The following NFIB variants were observed in gnomAD, a reference collection of about 807,000 sequenced individuals.
NFIB encodes nuclear factor 1 B-type.
In NFIB, 11 loss-of-function variants were observed where a neutral mutation model predicts 61.5. The ratio of observed to expected loss-of-function variants is 0.18; its 90% CI spans 0.11 to 0.30. The LOEUF is 0.30. Ranked by LOEUF, NFIB falls within the 10% of genes least tolerant of loss-of-function variation. NFIB has a pLI of 1.00. For synonymous variants in NFIB, 260 were observed against 216.5 expected, an observed-to-expected ratio of 1.20 and a Z score of -1.76; for missense variants, 471 against 608.9, an observed-to-expected ratio of 0.77 and a Z score of 2.38.
At position 14,087,777 on chromosome 9, in the gene NFIB, C is replaced by T. The variant is rs774801754; in HGVS notation, c.*532G>A. 2 of 219,468 alleles carry T rather than the reference C, an allele frequency of 9.1e-6. No homozygotes were observed. The highest frequency in any genetic ancestry group is 5.8e-5 in the Admixed American group (1 of 17,266). 13.6% of individuals were successfully genotyped at this position (219,468 alleles called of 1,614,324 possible). On this transcript the variant is annotated 3_prime_UTR_variant, in exon 11 of 11. Transcript: ENST00000380953. ...TGGCTCTGTCACCCAGCACCTCTGA[C>T]GCCGCCTCCTAGCCTTCGTTGGTGA...
At chr9:14,103,624 G>A (rs1459494324) in intron 10 of NFIB, among the ~76,000 whole-genome samples, 2 of 152,252 alleles carry the variant, frequency 1.3e-5, no homozygotes, top group South Asian at 2.1e-4. Context: ...AGACTATCGA[G>A]CTTCTGCACA....
chr9:14,147,227 A>T (rs2042362524), intron 5 of NFIB, among the ~76,000 whole-genome samples: 1 of 152,122 alleles, frequency 6.6e-6, no homozygotes, highest in South Asian at 2.1e-4. Context: ...TAAGGTAATA[A>T]AGTAAAACAA....
rs146466184 is a variant in NFIB, at chr9:14,146,064, A to C, written c.925+625T>G. On this transcript the variant is annotated intron_variant, in intron 6 of 10. Transcript: ENST00000380953. ...TGGATATATCTAATGAAATATAGTAAATCCAACAGACTTTAAGAAGAGCTA... is the reference window on the plus strand; with the variant it reads ...TGGATATATCTAATGAAATATAGTACATCCAACAGACTTTAAGAAGAGCTA... Among the ~76,000 whole-genome samples, 266 of 152,154 alleles carry C rather than the reference A, an allele frequency of 1.7e-3. 2 individuals carry two copies. The highest frequency in any genetic ancestry group is 3.4e-3 in the Middle Eastern group (1 of 292).
chr9:14,179,549 G>A (rs547877217), intron 3 of NFIB, among the ~76,000 whole-genome samples, 178 bp downstream of exon 3: 4 of 152,068 alleles, frequency 2.6e-5, no homozygotes, highest in South Asian at 2.1e-4. Flanking sequence ...TACTGATGAC[G>A]CCAATATAAA....
chr9:14,298,490 A>C (rs187581156), intron 2 of NFIB, among the ~76,000 whole-genome samples: 6 of 152,328 alleles, frequency 3.9e-5, no homozygotes, highest in Non-Finnish European at 8.8e-5. Flanking sequence ...AAATCTAAGC[A>C]GAAAAGATCT....
chr9:14,238,221 C>T (rs985705729), intron 2 of NFIB, among the ~76,000 whole-genome samples: 1 of 151,974 alleles, frequency 6.6e-6, no homozygotes, highest in East Asian at 1.9e-4. Context: ...GTGCCTGAGG[C>T]TCAGCTGTAC....
chr9:14,167,374 A>G (rs1260404642), intron 3 of NFIB, among the ~76,000 whole-genome samples: 4 of 152,062 alleles, frequency 2.6e-5, no homozygotes, highest in African/African-American at 7.2e-5. Context: ...GAAACCCTAC[A>G]TCTACTAAAA....
chr9:14,113,373 A>C (rs1183593575), intron 9 of NFIB, among the ~76,000 whole-genome samples: 1 of 152,160 alleles, frequency 6.6e-6, no homozygotes, highest in Non-Finnish European at 1.5e-5. Context: ...GGAGGTACTA[A>C]GGATTGGATA....
intron 7 of NFIB, among the ~76,000 whole-genome samples, chr9:14,122,272 T>C (rs753844486): frequency 1.4e-4 from 21 of 152,102 alleles, no homozygotes; most frequent in South Asian, 2.1e-4. Context: ...ATGTATAGAA[T>C]AGAAAAAACA....
At chr9:14,207,343 T>A (rs530748568) in intron 2 of NFIB, among the ~76,000 whole-genome samples, 6 of 152,332 alleles carry the variant, frequency 3.9e-5, no homozygotes, top group African/African-American at 1.4e-4. Context: ...CCTTAGTCAA[T>A]TTTTTCTAAT....
At chr9:14,395,251 T>A (rs2061670490) in intron 1 of NFIB, among the ~76,000 whole-genome samples, 2 of 151,556 alleles carry the variant, frequency 1.3e-5, no homozygotes, top group African/African-American at 4.9e-5. Context: ...GATGCTGTGA[T>A]TTTTAGAACT....
chr9:14,367,311 T>C (rs2061312028), intron 1 of NFIB, among the ~76,000 whole-genome samples: 1 of 152,032 alleles, frequency 6.6e-6, no homozygotes, highest in East Asian at 1.9e-4. Flanking sequence ...AGACTAAATA[T>C]GGAAAGGCTA....
chr9:14,507,377 G>A, the NFIB span, among the ~76,000 whole-genome samples: 9 of 152,156 alleles, frequency 5.9e-5, no homozygotes, highest in African/African-American at 1.7e-4. Flanking sequence ...CAGTCAACAC[G>A]ACAGTTGATT....
At chr9:14,240,196 A>G (rs183451574) in intron 2 of NFIB, among the ~76,000 whole-genome samples, 2 of 152,132 alleles carry the variant, frequency 1.3e-5, no homozygotes, top group East Asian at 3.9e-4. Flanking sequence ...AATTGGGCCT[A>G]AAGTTTGGAA....
At chr9:14,396,190 CT>C (rs1309068078) in intron 1 of NFIB, among the ~76,000 whole-genome samples, 2 of 150,996 alleles carry the variant, frequency 1.3e-5, no homozygotes, top group Non-Finnish European at 1.5e-5. Context: ...ATTTTTCTCC[CT>C]TTTTTTTTCT....
chr9:14,303,920 G>T (rs1187339302), intron 2 of NFIB, among the ~76,000 whole-genome samples: 1 of 152,192 alleles, frequency 6.6e-6, no homozygotes, highest in Non-Finnish European at 1.5e-5. Flanking sequence ...GAAGTGCAGG[G>T]AGACATTTAA....
Position 14,084,786 on chromosome 9 carries a change from G to A in NFIB, c.*3523C>T, listed in dbSNP as rs1016087576. 4 of 227,930 alleles carry A rather than the reference G, an allele frequency of 1.8e-5. No individual in the cohort carries two copies. The highest frequency in any genetic ancestry group is 6.7e-5 in the African/African-American group (3 of 44,992). 14.1% of individuals were successfully genotyped at this position (227,930 alleles called of 1,614,324 possible). A position where few individuals can be genotyped will look rare whatever the true frequency, so the allele number is the denominator to read the frequency against. On this transcript the variant is annotated 3_prime_UTR_variant, in exon 11 of 11. Coordinates refer to ENST00000380953, the MANE Select transcript of NFIB (RefSeq NM_001190737.2). The stretch of plus-strand genomic sequence containing the variant: ...CTTCCTGGTACACGAGGAGGAGGCC[G>A]AAAAGTTGATTTGAGATTTTATATA...
chr9:14,187,918 G>A (rs1169984484), intron 2 of NFIB, among the ~76,000 whole-genome samples: 1 of 152,164 alleles, frequency 6.6e-6, no homozygotes, highest in Non-Finnish European at 1.5e-5. Context: ...CCAGAGGGCT[G>A]TGGTACTTCA....
intron 2 of NFIB, among the ~76,000 whole-genome samples, chr9:14,295,572 A>G (rs943228455): frequency 6.6e-6 from 1 of 152,154 alleles, no homozygotes; most frequent in African/African-American, 2.4e-5. Context: ...CGGAGCTTAC[A>G]GTGAGCCGAG....
Sources: gnomAD v4.1 joint callset for allele counts (sites outside exome capture counted in the v4.1 genomes callset) on GRCh38, gnomAD v4.1.1 for gene constraint, MANE v1.5 for transcripts, NCBI Gene and HGNC (gene_info 2026-07-23, HGNC 2026-07-21) for gene names.